The following LRRC75A variants were observed in gnomAD, a reference collection of about 807,000 sequenced individuals.
The protein encoded by LRRC75A is leucine rich repeat containing 75A, also known as leucine-rich repeat-containing protein 75A.
Under a neutral mutation model 26.0 loss-of-function variants are expected in LRRC75A, and 12 were observed. That is an observed-to-expected ratio of 0.46 (90% CI 0.30 to 0.75). The LOEUF (loss-of-function observed/expected upper bound fraction) is 0.75, where lower values mean the gene tolerates loss of function less well. Among genes scored for constraint, LRRC75A ranks in the 30% least tolerant of loss-of-function variants. The pLI is 0.08. For synonymous variants in LRRC75A, 223 were observed against 219.3 expected (o/e 1.02, Z -0.15); for missense variants, 410 against 486.6 (o/e 0.84, Z 1.48).
At chr17:16,480,629 C>CAA (rs749950024) in intron 1 of LRRC75A, among the ~76,000 whole-genome samples, 8,401 of 80,356 alleles carry the variant, frequency 0.1, 608 homozygotes, top group Non-Finnish European at 0.14. Context: ...GACTTCGTCT[C>CAA]AAAAAAAAAA....
intron 1 of LRRC75A, among the ~76,000 whole-genome samples, chr17:16,477,545 T>C (rs1054779451): frequency 2.6e-5 from 4 of 152,242 alleles, no homozygotes; most frequent in African/African-American, 9.6e-5. Flanking sequence ...AGGCCCTGCC[T>C]GTGCTCTTCC....
intron 2 of LRRC75A, among the ~76,000 whole-genome samples, chr17:16,461,746 A>G (rs879745139): frequency 1.3e-5 from 2 of 152,204 alleles, no homozygotes; most frequent in Non-Finnish European, 2.9e-5. Context: ...ACCTTTGTGC[A>G]AATAAGAAAA....
At chr17:16,448,216 G>A (rs769102378) in intron 2 of LRRC75A, 5 of 446,278 alleles carry the variant, frequency 1.1e-5, no homozygotes, top group African/African-American at 2.0e-5. Flanking sequence ...CCAGGAGATC[G>A]GACAAAAGTT....
Position 16,462,141 on chromosome 17 carries a change from G to T in LRRC75A, c.375+117C>A. The T allele has an allele frequency of 7.7e-7, 1 of 1,300,520 alleles. No individual in the cohort carries two copies. Among genetic ancestry groups the T allele is most frequent in the Non-Finnish European group, 1.1e-6 (1 of 949,486 alleles). 80.6% of individuals were successfully genotyped at this position (1,300,520 alleles called of 1,614,324 possible). ...CTCAAGCTCTTGGTGCCTGGAGGAC[G>T]GGCTTGTCCTCCTTGGGCCTGTCTG... On this transcript the variant is annotated intron_variant, in intron 2 of 3. Coordinates refer to ENST00000470794, the MANE Select transcript of LRRC75A (RefSeq NM_001113567.3). The surrounding 1 kb of genome is among the most constrained non-coding windows in gnomAD (Gnocchi z 4.6).
At chr17:16,446,188 C>T (rs927423385) in intron 3 of LRRC75A, among the ~76,000 whole-genome samples, 1 of 152,094 alleles carries the variant, frequency 6.6e-6, no homozygotes, top group Non-Finnish European at 1.5e-5. Context: ...GGATTACAGG[C>T]GTGAGCCACC....
chr17:16,453,354 A>ACG (rs2093651600), intron 2 of LRRC75A, among the ~76,000 whole-genome samples: 2 of 111,178 alleles, frequency 1.8e-5, no homozygotes, highest in South Asian at 2.8e-4. Context: ...ACACGCACAC[A>ACG]CACACACACG....
At position 16,464,842 on chromosome 17, in the gene LRRC75A, G is replaced by A. The variant is rs191241525; in HGVS notation, c.247-2456C>T. ...AATCACAGCCCTGCCTCCCTGAGGC[G>A]GGAGGAAGCTGGGGACACAGGAAGG... On this transcript the variant is annotated intron_variant, in intron 1 of 3. Coordinates refer to ENST00000470794, the MANE Select transcript of LRRC75A (RefSeq NM_001113567.3). Among the ~76,000 whole-genome samples the A allele has an allele frequency of 9.2e-5, 14 of 152,314 alleles. No homozygotes were observed. The East Asian group carries it at 1.5e-3, about 17-fold the overall frequency.
intron 1 of LRRC75A, among the ~76,000 whole-genome samples, chr17:16,464,944 T>C (rs1041692944): frequency 2.6e-5 from 4 of 152,350 alleles, no homozygotes; most frequent in African/African-American, 9.6e-5. Context: ...AGTGCCTGGT[T>C]TGCCAGCCAG....
chr17:16,475,774 C>T (rs533329064), intron 1 of LRRC75A, among the ~76,000 whole-genome samples: 3 of 152,236 alleles, frequency 2.0e-5, no homozygotes, highest in South Asian at 2.1e-4. Flanking sequence ...GGGCTGAGCA[C>T]GGTGATTCAC....
intron 2 of LRRC75A, among the ~76,000 whole-genome samples, chr17:16,451,947 C>G (rs1324913811): frequency 2.0e-5 from 3 of 151,196 alleles, no homozygotes; most frequent in Admixed American, 6.6e-5. Flanking sequence ...GGGGGTCTCA[C>G]TGTGTTAGCG....
intron 2 of LRRC75A, chr17:16,461,178 C>G (rs1442232405): frequency 6.6e-6 from 1 of 152,404 alleles, no homozygotes; most frequent in African/African-American, 2.4e-5. Flanking sequence ...CCAGGAAACA[C>G]CTTTCCAGAG....
chr17:16,491,958 C>T lies in LRRC75A; in HGVS notation c.33G>A (p.Ala11=). Residue 11 remains alanine, a synonymous_variant, in exon 1 of 4, where the codon GCG becomes GCA. Transcript: ENST00000470794. The surrounding 1 kb of genome is among the most constrained non-coding windows in gnomAD (Gnocchi z 5.9). The part of the protein sequence containing the change: MGTRQTKGSL[A]ERASPGAAPG... ...GCGCGGCGCCGGGGCTGGCTCTCTC[C>T]GCCAGGCTGCCCTTGGTCTGCCGGG... The T allele has an allele frequency of 8.2e-7, 1 of 1,224,242 alleles. No homozygotes were observed. The highest frequency in any genetic ancestry group is 1.0e-6 in the Non-Finnish European group (1 of 985,436). 75.8% of individuals were successfully genotyped at this position (1,224,242 alleles called of 1,614,324 possible). A position where few individuals can be genotyped will look rare whatever the true frequency, so the allele number is the denominator to read the frequency against.
intron 1 of LRRC75A, among the ~76,000 whole-genome samples, chr17:16,479,810 T>G (rs2093829449): frequency 6.6e-6 from 1 of 152,234 alleles, no homozygotes; most frequent in Non-Finnish European, 1.5e-5. Flanking sequence ...ATCATTGTCA[T>G]GACCACCACC....
chr17:16,467,302 A>C (rs2093776949), intron 1 of LRRC75A, among the ~76,000 whole-genome samples: 1 of 152,164 alleles, frequency 6.6e-6, no homozygotes, highest in African/African-American at 2.4e-5. Context: ...TACAAGCGTG[A>C]GGCACTGTAA....
In LRRC75A at chr17:16,491,881, G is replaced by T; in HGVS notation, c.110C>A (p.Ala37Asp). Residue 37 changes from alanine to aspartate, a missense_variant, in exon 1 of 4, where the codon GCC becomes GAC. Ala to Asp is a moderately radical substitution (Grantham distance 126). Transcript: ENST00000470794. This position sits in a 1 kb window ranked among gnomAD's most constrained non-coding sequence, Gnocchi z 5.9. ...GCCCGCGCGCCCCGCCTTGTCCCCGGCGCGCAGCAGCAGCGACGCCCAGAA... is the reference window on the plus strand; with the variant it reads ...GCCCGCGCGCCCCGCCTTGTCCCCGTCGCGCAGCAGCAGCGACGCCCAGAA... ...PDFWASLLLR[A>D]GDKAGRAGAG... The T allele has an allele frequency of 7.3e-7, 1 of 1,361,042 alleles. No homozygotes were observed. The allele number at this position is 1,361,042 out of a possible 1,614,324, so 84.3% of individuals were successfully genotyped here. A position where few individuals can be genotyped will look rare whatever the true frequency, so the allele number is the denominator to read the frequency against.
chr17:16,456,204 G>GAGGAGGGGT (rs2093679126), intron 2 of LRRC75A, among the ~76,000 whole-genome samples: 8 of 58,208 alleles, frequency 1.4e-4, no homozygotes, highest in African/African-American at 2.8e-4. Context: ...GGAGGAGGAA[G>GAGGAGGGGT]AGGAGGAGGA....
chr17:16,453,736 C>T (rs887656955), intron 2 of LRRC75A, among the ~76,000 whole-genome samples: 4 of 152,106 alleles, frequency 2.6e-5, no homozygotes, highest in African/African-American at 9.7e-5. Flanking sequence ...GAGCTTTGAA[C>T]TAACGGAAAT....
At position 16,462,585 on chromosome 17, in the gene LRRC75A, G is replaced by C. The variant is rs1191634652; in HGVS notation, c.247-199C>G. Among the ~76,000 whole-genome samples, 2 of 152,216 alleles carry C rather than the reference G, an allele frequency of 1.3e-5. No individual in the cohort carries two copies. Among genetic ancestry groups the C allele is most frequent in the Non-Finnish European group, 2.9e-5 (2 of 68,042 alleles). The stretch of plus-strand genomic sequence containing the variant: ...TTGCCTCCAAGTTGAGGAAGAGCAG[G>C]GACTGGCCTCTGCAGGCTCTGCAGT... On this transcript the variant is annotated intron_variant, in intron 1 of 3. Transcript: ENST00000470794. The surrounding 1 kb of genome is among the most constrained non-coding windows in gnomAD (Gnocchi z 4.6).
intron 2 of LRRC75A, among the ~76,000 whole-genome samples, chr17:16,456,718 T>G (rs1601128253): frequency 6.6e-6 from 1 of 152,206 alleles, no homozygotes; most frequent in South Asian, 2.1e-4. Flanking sequence ...TCTAGCACCT[T>G]GGTCTAACTT....
Sources: allele counts gnomAD v4.1 joint callset (sites outside exome capture counted in the v4.1 genomes callset), GRCh38; gene constraint gnomAD v4.1.1; non-coding constraint Gnocchi (gnomAD v3.1); transcripts MANE v1.5; gene names NCBI Gene and HGNC (gene_info 2026-07-23, HGNC 2026-07-21).